GTPBP10: variants seen among roughly 807,000 people sequenced by gnomAD.
The protein encoded by GTPBP10 is GTP-binding protein 10.
A neutral mutation model predicts 44.8 loss-of-function variants in GTPBP10; 38 were observed. That is an observed-to-expected ratio of 0.85 (90% CI 0.65 to 1.11). The LOEUF is 1.11. Ranked by LOEUF, GTPBP10 falls within the 50% of genes most tolerant of loss-of-function variation. The probability of loss-of-function intolerance (pLI) is 0.00; values close to 1 mark genes in which losing one functional copy is unlikely to be tolerated. For missense variants in GTPBP10, 462 were observed against 453.7 expected (o/e 1.02, Z -0.17); for synonymous variants, 152 against 150.6 (o/e 1.01, Z -0.07).
intron 1 of GTPBP10, among the ~76,000 whole-genome samples, chr7:90,351,169 A>T (rs939002316): frequency 1.3e-5 from 2 of 152,244 alleles, no homozygotes; most frequent in Non-Finnish European, 1.5e-5. Flanking sequence ...AGTTAATTTT[A>T]TGCAGTTATG....
rs1372147795 is a variant in GTPBP10 at position 90,377,490 on chromosome 7, A to G, written c.592-17A>G. On this transcript the variant is annotated splice_polypyrimidine_tract_variant and intron_variant, in intron 6 of 9. Coordinates refer to ENST00000222511, the MANE Select transcript of GTPBP10 (RefSeq NM_033107.4). ...CATACATTTTCCTTTTTCATTAACC[A>G]TTTAACTTTGTATTAGATATCAGTA... 8 of 1,547,714 alleles carry G rather than the reference A, an allele frequency of 5.2e-6. No homozygotes were observed. Among genetic ancestry groups the G allele is most frequent in the South Asian group, 1.2e-5 (1 of 83,954 alleles).
At chr7:90,357,610 G>A (rs963052566) in intron 4 of GTPBP10, among the ~76,000 whole-genome samples, 1 of 152,082 alleles carries the variant, frequency 6.6e-6, no homozygotes, top group African/African-American at 2.4e-5. Context: ...AGTTTTTGAA[G>A]TACCGTCTTC....
Position 90,383,075 on chromosome 7 carries a change from T to C in GTPBP10, c.897T>C (p.Pro299=), listed in dbSNP as rs1405992110. The C allele has an allele frequency of 1.1e-5, 17 of 1,566,868 alleles. No individual in the cohort carries two copies. The highest frequency in any genetic ancestry group is 1.5e-5 in the Non-Finnish European group (17 of 1,151,922). The change falls in exon 9 of 10, where the codon CCT becomes CCC. Residue 299 remains proline, a synonymous_variant. Coordinates refer to ENST00000222511, the MANE Select transcript of GTPBP10 (RefSeq NM_033107.4). Reference sequence around the variant, plus strand: ...AATTGATGAGCCAGCTCCAGAATCCTAAAGGTAAACCTATTTATTCATTTA... The same window carrying C: ...AATTGATGAGCCAGCTCCAGAATCCCAAAGGTAAACCTATTTATTCATTTA... The part of the protein sequence containing the change: ...FHELMSQLQN[P]KDFLHLFEKN...
At chr7:90,359,360 C>A (rs1795968957) in intron 4 of GTPBP10, among the ~76,000 whole-genome samples, 1 of 151,580 alleles carries the variant, frequency 6.6e-6, no homozygotes, top group Admixed American at 6.6e-5. Flanking sequence ...GTTCCTTGTT[C>A]AGCTCCCACT....
At chr7:90,368,225 A>G (rs185392215) in intron 4 of GTPBP10, among the ~76,000 whole-genome samples, 3 of 151,910 alleles carry the variant, frequency 2.0e-5, no homozygotes, top group Non-Finnish European at 4.4e-5. Flanking sequence ...TTTTTTCTTC[A>G]TTTCAACTTT....
chr7:90,354,464 T>G lies in GTPBP10; in HGVS notation c.234T>G (p.Ser78Arg). Residue 78 changes from serine to arginine, a missense_variant, in exon 3 of 10, where the codon AGT (serine) becomes AGG (arginine). Transcript: ENST00000222511. ...VAGVGANSKISALKGSKGKDC... is the reference protein window; with the variant it reads ...VAGVGANSKIRALKGSKGKDC... ...TATACTTTTTTTTTGGTAGAATTAG[T>G]GCACTGAAAGGCTCCAAAGGAAAAG... The G allele has an allele frequency of 6.4e-7, 1 of 1,554,356 alleles. No homozygotes were observed. The highest frequency in any genetic ancestry group is 1.2e-5 in the South Asian group (1 of 85,500).
intron 4 of GTPBP10, among the ~76,000 whole-genome samples, chr7:90,368,599 T>C (rs1796184299): frequency 6.6e-6 from 1 of 152,206 alleles, no homozygotes; most frequent in Non-Finnish European, 1.5e-5. Flanking sequence ...TTGAAGCTTG[T>C]GCGTGCGTCA....
intron 4 of GTPBP10, chr7:90,371,222 C>A: frequency 2.1e-6 from 2 of 961,798 alleles, no homozygotes; most frequent in Non-Finnish European, 2.5e-6. Context: ...TGTCTGTCTA[C>A]CTGTATACAC....
chr7:90,388,093 A>G lies in GTPBP10; in HGVS notation c.*2939A>G, dbSNP rs558629672. On this transcript the variant is annotated 3_prime_UTR_variant, in exon 10 of 10. Transcript: ENST00000222511. ...ACATTTTATTATGTGACTCACTAAG[A>G]TGTTCAATTCATTAGTATTTTCTGG... The G allele has an allele frequency of 6.6e-6, 1 of 152,298 alleles. No homozygotes were observed. Among genetic ancestry groups the G allele is most frequent in the African/African-American group, 2.4e-5 (1 of 41,556 alleles). 9.4% of individuals were successfully genotyped at this position (152,298 alleles called of 1,614,324 possible). A position where few individuals can be genotyped will look rare whatever the true frequency, so the allele number is the denominator to read the frequency against.
At chr7:90,375,174 A>G (rs1054334928) in intron 6 of GTPBP10, among the ~76,000 whole-genome samples, 2 of 152,128 alleles carry the variant, frequency 1.3e-5, no homozygotes, top group African/African-American at 4.8e-5. Flanking sequence ...GACATTCTGG[A>G]TAAGGCAAAG....
At chr7:90,381,423 T>G (rs1796433961) in intron 8 of GTPBP10, among the ~76,000 whole-genome samples, 1 of 152,242 alleles carries the variant, frequency 6.6e-6, no homozygotes, top group Admixed American at 6.5e-5. Flanking sequence ...ATTGGTCATT[T>G]GTTTGTTGTT....
chr7:90,380,326 A>G (rs13228231), intron 8 of GTPBP10, among the ~76,000 whole-genome samples: 1 of 152,046 alleles, frequency 6.6e-6, no homozygotes, highest in Non-Finnish European at 1.5e-5. Context: ...TGATCCGCCC[A>G]CCTGGCTTCC....
chr7:90,363,080 CTT>C (rs200520231), intron 4 of GTPBP10, among the ~76,000 whole-genome samples: 10,411 of 152,214 alleles, frequency 0.068, 388 homozygotes, highest in South Asian at 0.15. Flanking sequence ...GGTCTTGACT[CTT>C]TATCCAATTT....
chr7:90,368,904 T>C (rs1796192325), intron 4 of GTPBP10, among the ~76,000 whole-genome samples: 1 of 152,238 alleles, frequency 6.6e-6, no homozygotes. Context: ...GCTTTTCTGC[T>C]CTGGTTTCTC....
Position 90,355,221 on chromosome 7 carries a change from G to A in GTPBP10, c.455G>A (p.Gly152Asp). Residue 152 changes from glycine to aspartate, a missense_variant, in exon 4 of 10, where the codon GGC becomes GAC. Transcript: ENST00000222511. ...GATCTAAAACTTATAGCTGATGTAG[G>A]CCTAGTAGGGTAAGTATCGTTCATA... ...HLDLKLIADV[G>D]LVGFPNAGKS... 1 of 1,581,794 alleles carries A rather than the reference G, an allele frequency of 6.3e-7. No individual in the cohort carries two copies. The highest frequency in any genetic ancestry group is 2.3e-5 in the East Asian group (1 of 43,538).
chr7:90,373,795 G>A (rs1796300687), intron 5 of GTPBP10, among the ~76,000 whole-genome samples: 1 of 152,008 alleles, frequency 6.6e-6, no homozygotes, highest in African/African-American at 2.4e-5. Context: ...ATTACATTAG[G>A]CCTATACAGA....
chr7:90,372,915 G>C (rs142792855), intron 5 of GTPBP10, among the ~76,000 whole-genome samples: 1 of 152,098 alleles, frequency 6.6e-6, no homozygotes, highest in Non-Finnish European at 1.5e-5. Context: ...GGAGTAAGGC[G>C]TACATATCAC....
Position 90,366,228 on chromosome 7 carries a change from T to TTTG in GTPBP10, c.465-5907_465-5905dup, listed in dbSNP as rs547372347. Among the ~76,000 whole-genome samples the TTTG allele has an allele frequency of 4.1e-3, 622 of 151,998 alleles. 5 individuals carry two copies. The highest frequency in any genetic ancestry group is 0.017 in the Middle Eastern group (5 of 292). ...AGGGATATTGGCCTAGAATTCTCTT[T>TTTG]TTGTTGTTGTTGTTGTTGTTGTATC... On this transcript the variant is annotated intron_variant, in intron 4 of 9. Transcript: ENST00000222511.
chr7:90,374,713 G>A (rs1050622843), intron 6 of GTPBP10, among the ~76,000 whole-genome samples: 1 of 151,154 alleles, frequency 6.6e-6, no homozygotes, highest in African/African-American at 2.4e-5. Context: ...TTCTTTTTTT[G>A]AGAAAGAAAA....
Sources: gnomAD v4.1 joint callset for allele counts (sites outside exome capture counted in the v4.1 genomes callset) on GRCh38, gnomAD v4.1.1 for gene constraint, MANE v1.5 for transcripts, NCBI Gene and HGNC (gene_info 2026-07-23, HGNC 2026-07-21) for gene names.